The following KPTN variants were observed in gnomAD, a reference collection of about 807,000 sequenced individuals.
The protein encoded by KPTN is KICSTOR complex protein kaptin.
Under a neutral mutation model 52.6 loss-of-function variants are expected in KPTN, and 36 were observed. That is an observed-to-expected ratio of 0.68 (90% CI 0.52 to 0.90). The LOEUF is 0.90. Among genes scored for constraint, KPTN ranks in the 40% least tolerant of loss-of-function variants. The pLI is 0.00. For synonymous variants in KPTN, 271 were observed against 248.4 expected (o/e 1.09, Z -0.85); for missense variants, 529 against 576.2 (o/e 0.92, Z 0.84).
chr19:47,484,203 CGCACTACCCAACCT>C lies in KPTN; in HGVS notation c.-57_-44del, dbSNP rs781632587. ...CCTCTCCGCAGCCCCCGCCCCAACC[CGCACTACCCAACCT>C]ACGACTCTCTAAGCGACCTGAACCG... On this transcript the variant is annotated 5_prime_UTR_variant, in exon 1 of 12. Transcript: ENST00000338134. The C allele has an allele frequency of 3.8e-6, 6 of 1,564,906 alleles. No individual in the cohort carries two copies. Among genetic ancestry groups the C allele is most frequent in the South Asian group, 1.1e-5 (1 of 88,052 alleles).
Position 47,483,531 on chromosome 19 carries a change from C to G in KPTN, c.280G>C (p.Gly94Arg). ...ATGAACGTGATCCCCACAACCAGAC[C>G]CCGCTTGGGGGGTGACTTGTTGAAA... is the stretch of plus-strand genomic sequence containing the variant. ...DTFNKSPPKR[G>R]LVVGITFIKD... Residue 94 changes from glycine (G) to arginine (R), a missense_variant, in exon 2 of 12, where the codon GGT becomes CGT. Physicochemically the swap from Gly to Arg is moderately radical, Grantham distance 125 (BLOSUM62 -2). Coordinates refer to ENST00000338134, the MANE Select transcript of KPTN (RefSeq NM_007059.4). 6.3e-7 allele frequency: 1 copy of G among 1,583,258 alleles called. No homozygotes were observed. The highest frequency in any genetic ancestry group is 8.6e-7 in the Non-Finnish European group (1 of 1,164,176).
At chr19:47,479,373 C>G (rs1967784740) in intron 8 of KPTN, among the ~76,000 whole-genome samples, 1 of 152,142 alleles carries the variant, frequency 6.6e-6, no homozygotes, top group African/African-American at 2.4e-5. Context: ...GGACAGACCC[C>G]AGTAAAGGAG....
At chr19:47,476,049 T>G (rs1967654086) in intron 11 of KPTN, 1 of 150,210 alleles carries the variant, frequency 6.7e-6, no homozygotes, top group Non-Finnish European at 1.4e-5. Context: ...GGCTCACACC[T>G]GTAATCCTAG....
At chr19:47,480,669 C>G in intron 6 of KPTN, 91 bp downstream of exon 6, 2 of 1,202,628 alleles carry the variant, frequency 1.7e-6, no homozygotes, top group Non-Finnish European at 2.5e-6. Context: ...TGAGCTCCTC[C>G]CCGGTGACCA....
At chr19:47,484,337 C>A, upstream of KPTN, 1 of 755,456 alleles carries the variant, frequency 1.3e-6, no homozygotes. Flanking sequence ...CTCGGGCCTC[C>A]CAGGCGACTT....
intron 7 of KPTN, 41 bp from the exon 8 acceptor site, chr19:47,479,981 G>T: frequency 9.0e-7 from 1 of 1,114,076 alleles, no homozygotes. Flanking sequence ...ACCCCACCCC[G>T]GTCCCGCCCG....
At position 47,484,048 on chromosome 19, in the gene KPTN, CGCCCGCCGGCGCCGCCTGCCA is replaced by C; in HGVS notation, c.92_112del (p.Leu31_Gly37del). 6.2e-7 allele frequency: 1 copy of C among 1,610,622 alleles called. No homozygotes were observed. The highest frequency in any genetic ancestry group is 8.5e-7 in the Non-Finnish European group (1 of 1,179,710). ...AAGGGTGGCGGCCAGCAGCTCCCCG[CGCCCGCCGGCGCCGCCTGCCA>C]GCCCGTACACATTGCTCTGCGACGA... is the stretch of plus-strand genomic sequence containing the variant. On this transcript the variant is annotated inframe_deletion, in exon 1 of 12. Transcript: ENST00000338134.
intron 5 of KPTN, 56 bp downstream of exon 5, chr19:47,480,902 G>A (rs1158019289): frequency 1.9e-6 from 3 of 1,610,794 alleles, no homozygotes; most frequent in South Asian, 1.1e-5. Context: ...TACCCACCCA[G>A]CGCCAGCCCA....
chr19:47,484,189 C>G lies in KPTN; in HGVS notation c.-29G>C. 6.3e-7 allele frequency: 1 copy of G among 1,578,030 alleles called. No individual in the cohort carries two copies. The highest frequency in any genetic ancestry group is 1.1e-5 in the South Asian group (1 of 89,766). On this transcript the variant is annotated 5_prime_UTR_variant, in exon 1 of 12. Transcript: ENST00000338134. ...CCTCAGTTAAGCACCCTCTCCGCAGCCCCCGCCCCAACCCGCACTACCCAA... is the reference window on the plus strand; with the variant it reads ...CCTCAGTTAAGCACCCTCTCCGCAGGCCCCGCCCCAACCCGCACTACCCAA...
In KPTN at chr19:47,483,494, C is replaced by A. The variant is rs769331426; in HGVS notation, c.309+8G>T. The stretch of plus-strand genomic sequence containing the variant: ...AGGGCGAAGGGAGGTGGAGGGGGCT[C>A]TAGGTACCTTGATGAACGTGATCCC... On this transcript the variant is annotated splice_region_variant and intron_variant, in intron 2 of 11. Transcript: ENST00000338134. The A allele has an allele frequency of 1.3e-6, 2 of 1,599,538 alleles. No individual in the cohort carries two copies. Among genetic ancestry groups the A allele is most frequent in the African/African-American group, 2.7e-5 (2 of 74,546 alleles).
intron 11 of KPTN, 130 bp downstream of exon 11, chr19:47,476,402 C>G: frequency 3.7e-6 from 2 of 541,762 alleles, no homozygotes; most frequent in Non-Finnish European, 5.6e-6. Flanking sequence ...CCCCTTTCTC[C>G]TGGGAGTTGT....
chr19:47,478,710 AC>A (rs1967763670), intron 8 of KPTN, among the ~76,000 whole-genome samples: 1 of 152,166 alleles, frequency 6.6e-6, no homozygotes, highest in Non-Finnish European at 1.5e-5. Flanking sequence ...ACCATGGAGT[AC>A]TACTCAAGTC....
intron 2 of KPTN, 56 bp from the exon 3 acceptor site, chr19:47,483,435 C>A (rs551414857): frequency 8.2e-5 from 131 of 1,595,618 alleles, no homozygotes; most frequent in Admixed American, 1.7e-4. Flanking sequence ...GGATCCGGGG[C>A]GGCTCAGTGG....
At position 47,484,025 on chromosome 19, in the gene KPTN, G is replaced by C; in HGVS notation, c.136C>G (p.Leu46Val). 1 of 1,612,744 alleles carries C rather than the reference G, an allele frequency of 6.2e-7. No individual in the cohort carries two copies. The highest frequency in any genetic ancestry group is 8.5e-7 in the Non-Finnish European group (1 of 1,179,998). ...CGGAAGCCGAGCACCTTGCCTTTAA[G>C]GGTGGCGGCCAGCAGCTCCCCGCGC... is the stretch of plus-strand genomic sequence containing the variant. ...GGRGELLAAT[L>V]KGKVLGFRYQ... is the part of the protein sequence containing the mutation. Residue 46 changes from leucine to valine, a missense_variant, in exon 1 of 12, where the codon CTT becomes GTT. Coordinates refer to ENST00000338134, the MANE Select transcript of KPTN (RefSeq NM_007059.4).
rs369511911 is a variant in KPTN at position 47,482,949 on chromosome 19, C to T, written c.449+212G>A. ...CTCAAACTCCTGACCTCAGGTGATC[C>T]GTCTGCCTCAGCCTCTCAAAGTGCT... is the stretch of plus-strand genomic sequence containing the variant. On this transcript the variant is annotated intron_variant, in intron 4 of 11. Transcript: ENST00000338134. Among the ~76,000 whole-genome samples, 11 of 152,168 alleles carry T rather than the reference C, an allele frequency of 7.2e-5. 1 individual carries two copies. Among genetic ancestry groups the T allele is most frequent in the Non-Finnish European group, 8.8e-5 (6 of 68,014 alleles).
Position 47,475,354 on chromosome 19 carries a change from G to T in KPTN, c.*62C>A. 1 of 1,573,290 alleles carries T rather than the reference G, an allele frequency of 6.4e-7. No individual in the cohort carries two copies. On this transcript the variant is annotated 3_prime_UTR_variant, in exon 12 of 12. Transcript: ENST00000338134. The stretch of plus-strand genomic sequence containing the variant: ...CTGTCCTTCAGGACACCCCCCACCA[G>T]CGGCTGGAGGTGAGCACGCCATGAG...
chr19:47,485,699 G>A (rs1319289348), upstream of KPTN, among the ~76,000 whole-genome samples: 1 of 152,214 alleles, frequency 6.6e-6, no homozygotes, highest in Non-Finnish European at 1.5e-5. Flanking sequence ...TTACATGATG[G>A]AAAGTTCTCA....
chr19:47,480,030 T>A (rs1196873958), intron 7 of KPTN, 90 bp from the exon 8 acceptor site: 2 of 899,006 alleles, frequency 2.2e-6, no homozygotes, highest in East Asian at 3.3e-5. Context: ...CCACCGTTCA[T>A]CCCCACCCTA....
intron 8 of KPTN, 117 bp downstream of exon 8, chr19:47,479,746 C>G: frequency 1.3e-6 from 1 of 753,638 alleles, no homozygotes; most frequent in Non-Finnish European, 2.3e-6. Context: ...GAGAGAGGGA[C>G]TGGGGTCTGC....
Sources: allele counts gnomAD v4.1 joint callset (sites outside exome capture counted in the v4.1 genomes callset), GRCh38; gene constraint gnomAD v4.1.1; transcripts MANE v1.5; gene names NCBI Gene and HGNC (gene_info 2026-07-23, HGNC 2026-07-21).